DAB1: variants seen among roughly 807,000 people sequenced by gnomAD.
The protein encoded by DAB1 is disabled homolog 1.
A neutral mutation model predicts 64.6 loss-of-function variants in DAB1; 15 were observed. The observed-to-expected ratio is 0.23, with a 90% CI of 0.16 to 0.36. The LOEUF (loss-of-function observed/expected upper bound fraction) is 0.36. DAB1 is among the 10% of genes least tolerant of loss of function. DAB1 has a pLI of 1.00. For missense variants in DAB1, 596 were observed against 706.7 expected (o/e 0.84, Z 1.78); for synonymous variants, 235 against 251.9 (o/e 0.93, Z 0.64).
intron 1 of DAB1, among the ~76,000 whole-genome samples, chr1:57,385,614 C>G (rs888667070): frequency 5.9e-5 from 9 of 152,136 alleles, no homozygotes; most frequent in African/African-American, 2.2e-4. Context: ...TCAGGAAGTG[C>G]AGAGTCCAGA....
At chr1:57,474,615 A>G (rs993239833) in intron 7 of DAB1, among the ~76,000 whole-genome samples, 5 of 152,222 alleles carry the variant, frequency 3.3e-5, no homozygotes, top group Non-Finnish European at 7.3e-5. Flanking sequence ...AGCCAAAAAG[A>G]AATATCCTAT....
At chr1:57,003,474 G>C (rs904100178) in intron 14 of DAB1, among the ~76,000 whole-genome samples, 11 of 152,022 alleles carry the variant, frequency 7.2e-5, no homozygotes, top group Admixed American at 7.2e-4. Context: ...CCAGCACACA[G>C]CAGAGCTGGG....
In DAB1 at chr1:58,127,356, T is replaced by A. The variant is rs942658376; in HGVS notation, n.387+23155A>T. On this transcript the variant is annotated intron_variant and non_coding_transcript_variant, in intron 5 of 20. Coordinates refer to the DAB1 transcript ENST00000485760. ...TTGAGTTCATTGTAGATTCTGGATA[T>A]TAGCCCTTTGTCAGATGAGTAGGTT... Among the ~76,000 whole-genome samples, 140 of 152,076 alleles carry A rather than the reference T, an allele frequency of 9.2e-4. 2 individuals are homozygous for A. The highest frequency in any genetic ancestry group is 1.8e-3 in the Non-Finnish European group (122 of 68,024).
chr1:58,128,323 T>C (rs1653277977), intron 5 of DAB1, among the ~76,000 whole-genome samples: 1 of 148,954 alleles, frequency 6.7e-6, no homozygotes, highest in Non-Finnish European at 1.5e-5. Flanking sequence ...TCCTGAGACT[T>C]TGCTGAAGTT....
At chr1:57,662,345 C>T (rs1294436892) in intron 6 of DAB1, among the ~76,000 whole-genome samples, 10 of 152,096 alleles carry the variant, frequency 6.6e-5, no homozygotes, top group Non-Finnish European at 1.0e-4. Context: ...TACAGGTATG[C>T]GCCACCACGC....
intron 7 of DAB1, among the ~76,000 whole-genome samples, chr1:57,440,780 G>C (rs1358465739): frequency 6.6e-6 from 1 of 152,128 alleles, no homozygotes; most frequent in Middle Eastern, 3.2e-3. Flanking sequence ...GTTCCAGTTA[G>C]TTGTATTATT....
intron 7 of DAB1, among the ~76,000 whole-genome samples, chr1:57,536,053 C>T (rs755424878): frequency 2.6e-5 from 4 of 152,116 alleles, no homozygotes; most frequent in African/African-American, 7.2e-5. Context: ...TTTGCCTTCC[C>T]GGCTAGATTT....
intron 4 of DAB1, among the ~76,000 whole-genome samples, chr1:57,098,470 GA>G: frequency 6.6e-6 from 1 of 152,140 alleles, no homozygotes; most frequent in East Asian, 1.9e-4. Context: ...CATCTAATTG[GA>G]GTCTTGTGTG....
chr1:57,387,363 G>A (rs1208159842), intron 1 of DAB1: 1 of 152,158 alleles, frequency 6.6e-6, no homozygotes, highest in African/African-American at 2.4e-5. Flanking sequence ...TCTTCTCTAA[G>A]ACAGGCAAAG....
intron 2 of DAB1, among the ~76,000 whole-genome samples, chr1:57,227,855 C>A (rs748606142): frequency 6.6e-6 from 1 of 152,078 alleles, no homozygotes; most frequent in African/African-American, 2.4e-5. Context: ...CTGTGCCCAG[C>A]CAATAGGCAG....
chr1:57,998,702 T>A (rs965667723), intron 5 of DAB1, among the ~76,000 whole-genome samples: 30 of 152,196 alleles, frequency 2.0e-4, no homozygotes, highest in African/African-American at 7.0e-4. Flanking sequence ...TAGAGTAGTT[T>A]GAGGAATTAA....
chr1:58,322,646 T>G (rs560867691), intron 4 of DAB1, among the ~76,000 whole-genome samples: 13 of 152,182 alleles, frequency 8.5e-5, no homozygotes, highest in Non-Finnish European at 1.3e-4. Flanking sequence ...TTGTTGGGAG[T>G]GTAAACTAGT....
At chr1:58,096,937 TAGTA>T (rs1455396678) in intron 5 of DAB1, among the ~76,000 whole-genome samples, 18 of 152,218 alleles carry the variant, frequency 1.2e-4, no homozygotes, top group Non-Finnish European at 2.5e-4. Context: ...TTCCCTGGTA[TAGTA>T]AGTATTGCCA....
intron 7 of DAB1, among the ~76,000 whole-genome samples, chr1:57,532,956 C>A (rs559507210): frequency 1.3e-5 from 2 of 152,146 alleles, no homozygotes; most frequent in South Asian, 2.1e-4. Context: ...CTACCATTAT[C>A]CCTATTTGAC....
intron 6 of DAB1, among the ~76,000 whole-genome samples, chr1:57,751,609 G>C (rs1648556212): frequency 6.6e-6 from 1 of 152,094 alleles, no homozygotes; most frequent in East Asian, 1.9e-4. Flanking sequence ...GGTGAGGATG[G>C]AAGAGGACAG....
intron 4 of DAB1, among the ~76,000 whole-genome samples, chr1:58,206,190 T>C (rs368772283): frequency 1.3e-5 from 2 of 152,264 alleles, no homozygotes; most frequent in East Asian, 3.9e-4. Context: ...AACCAATACA[T>C]GTAAGATATA....
chr1:57,466,096 T>C (rs1686946143), intron 7 of DAB1, among the ~76,000 whole-genome samples: 1 of 152,208 alleles, frequency 6.6e-6, no homozygotes, highest in Admixed American at 6.5e-5. Context: ...CCTGGTATAC[T>C]GATTGCATTA....
At chr1:57,334,298 G>A (rs151098823) in intron 1 of DAB1, among the ~76,000 whole-genome samples, 258 of 152,306 alleles carry the variant, frequency 1.7e-3, no homozygotes, top group Middle Eastern at 0.01. Context: ...TCCCCCTTGG[G>A]GTCAGGCTGC....
intron 7 of DAB1, among the ~76,000 whole-genome samples, chr1:57,640,753 C>T (rs1403647654): frequency 6.6e-6 from 1 of 152,162 alleles, no homozygotes; most frequent in East Asian, 1.9e-4. Flanking sequence ...GGAACATTAC[C>T]TTCAATGGGA....
Sources: allele counts gnomAD v4.1 joint callset (sites outside exome capture counted in the v4.1 genomes callset), GRCh38; gene constraint gnomAD v4.1.1; transcripts MANE v1.5; gene names NCBI Gene and HGNC (gene_info 2026-07-23, HGNC 2026-07-21).